Variants in PSEN1 observed in about 807,000 individuals in gnomAD.
PSEN1 encodes the protein presenilin 1.
In PSEN1, 15 loss-of-function variants were observed where a neutral mutation model predicts 53.5. The observed-to-expected ratio is 0.28, with a 90% CI of 0.19 to 0.43. The LOEUF (loss-of-function observed/expected upper bound fraction) is 0.43. Among genes scored for constraint, PSEN1 ranks in the 20% least tolerant of loss-of-function variants. The pLI is 1.00. For synonymous variants in PSEN1, 208 were observed against 209.8 expected, an observed-to-expected ratio of 0.99 and a Z score of 0.08; for missense variants, 387 against 571.2, an observed-to-expected ratio of 0.68 and a Z score of 3.29.
chr14:73,165,065 G>A (rs182225444), intron 3 of PSEN1, among the ~76,000 whole-genome samples: 2 of 151,698 alleles, frequency 1.3e-5, no homozygotes, highest in Non-Finnish European at 1.5e-5. Flanking sequence ...CAAACGATTC[G>A]CCTGCCTCAG....
intron 1 of PSEN1, among the ~76,000 whole-genome samples, chr14:73,144,596 T>C (rs1299839918): frequency 6.6e-6 from 1 of 152,192 alleles, no homozygotes; most frequent in Non-Finnish European, 1.5e-5. Context: ...AACTCCTCAC[T>C]TGCCAGATGT....
intron 3 of PSEN1, among the ~76,000 whole-genome samples, chr14:73,156,808 G>A (rs1422879248): frequency 2.0e-5 from 3 of 151,372 alleles, no homozygotes; most frequent in African/African-American, 4.9e-5. Context: ...GACTACAGGC[G>A]TCCGCCACCA....
chr14:73,185,432 C>T (rs1006553491), intron 5 of PSEN1, among the ~76,000 whole-genome samples: 197 of 152,338 alleles, frequency 1.3e-3, no homozygotes, highest in Admixed American at 5.2e-3. Context: ...AGCGAAACCC[C>T]GTCTCCACCA....
intron 5 of PSEN1, among the ~76,000 whole-genome samples, chr14:73,179,596 T>TAC (rs1221646964): frequency 6.6e-6 from 1 of 152,072 alleles, no homozygotes; most frequent in Non-Finnish European, 1.5e-5. Context: ...CAGCCTGAGC[T>TAC]ACAGTGCGAG....
At chr14:73,149,478 A>T (rs1404431371) in intron 3 of PSEN1, among the ~76,000 whole-genome samples, 1 of 152,178 alleles carries the variant, frequency 6.6e-6, no homozygotes, top group African/African-American at 2.4e-5. Flanking sequence ...GAACTAGAGC[A>T]CTGAATGGCG....
intron 5 of PSEN1, among the ~76,000 whole-genome samples, chr14:73,185,248 G>A (rs1898455686): frequency 6.6e-6 from 1 of 152,210 alleles, no homozygotes; most frequent in Non-Finnish European, 1.5e-5. Flanking sequence ...GGGAGGCCAA[G>A]GCAGGCGGCT....
At chr14:73,147,624 A>G in intron 1 of PSEN1, 171 bp from the exon 2 acceptor site, 2 of 255,852 alleles carry the variant, frequency 7.8e-6, no homozygotes, top group South Asian at 9.2e-5. Context: ...GGTTCTACTT[A>G]TTGCTAAAGA....
chr14:73,213,691 A>C (rs1899794680), intron 10 of PSEN1, among the ~76,000 whole-genome samples: 2 of 152,240 alleles, frequency 1.3e-5, no homozygotes, highest in African/African-American at 4.8e-5. Flanking sequence ...AAAACTGATC[A>C]AAGGATCTGA....
chr14:73,211,140 C>A (rs1899660522), intron 9 of PSEN1, among the ~76,000 whole-genome samples: 1 of 152,140 alleles, frequency 6.6e-6, no homozygotes, highest in African/African-American at 2.4e-5. Flanking sequence ...GAAATTTATT[C>A]TTTCACGTGA....
At chr14:73,208,836 C>T (rs1399631851) in intron 9 of PSEN1, 1 of 454,944 alleles carries the variant, frequency 2.2e-6, no homozygotes, top group South Asian at 1.6e-5. Flanking sequence ...GCCTGTCTGC[C>T]TCCTGCTGCC....
chr14:73,153,524 A>G (rs1212870459), intron 3 of PSEN1, among the ~76,000 whole-genome samples: 6 of 152,176 alleles, frequency 3.9e-5, no homozygotes, highest in African/African-American at 1.4e-4. Flanking sequence ...CATGTTCCCT[A>G]TGATTAATAA....
chr14:73,166,369 T>C (rs1361673554), intron 3 of PSEN1, among the ~76,000 whole-genome samples: 3 of 152,230 alleles, frequency 2.0e-5, no homozygotes, highest in Non-Finnish European at 2.9e-5. Context: ...TTTAGTTTGA[T>C]TCCTACCTCT....
chr14:73,202,294 G>GT (rs1899222341), intron 8 of PSEN1, among the ~76,000 whole-genome samples: 1 of 149,882 alleles, frequency 6.7e-6, no homozygotes, highest in South Asian at 2.1e-4. Context: ...CGTGGCAAAA[G>GT]TGTGAGTACA....
chr14:73,206,603 GC>G, intron 9 of PSEN1, 131 bp downstream of exon 9: 1 of 708,004 alleles, frequency 1.4e-6, no homozygotes, highest in Non-Finnish European at 2.5e-6. Flanking sequence ...CTATGATAAT[GC>G]CCAGTAAATA....
intron 7 of PSEN1, among the ~76,000 whole-genome samples, chr14:73,196,453 A>C (rs1898945924): frequency 6.8e-6 from 1 of 147,872 alleles, no homozygotes; most frequent in African/African-American, 2.5e-5. Flanking sequence ...ATGAAGAGAC[A>C]TGACCACTTT....
chr14:73,157,858 C>T (rs1897407526), intron 3 of PSEN1, among the ~76,000 whole-genome samples: 1 of 151,918 alleles, frequency 6.6e-6, no homozygotes, highest in African/African-American at 2.4e-5. Context: ...TGGTGGCGTG[C>T]ACCTGTAATC....
chr14:73,157,855 G>A (rs967949499), intron 3 of PSEN1, among the ~76,000 whole-genome samples: 5 of 151,926 alleles, frequency 3.3e-5, no homozygotes, highest in African/African-American at 7.2e-5. Flanking sequence ...GGGTGGTGGC[G>A]TGCACCTGTA....
intron 3 of PSEN1, chr14:73,160,025 T>C (rs765167125): frequency 1.2e-5 from 3 of 244,282 alleles, no homozygotes; most frequent in South Asian, 1.1e-4. Context: ...GTTCTCGCCA[T>C]ATTGGCCAGG....
intron 1 of PSEN1, among the ~76,000 whole-genome samples, chr14:73,139,794 A>G (rs1896866284): frequency 6.6e-6 from 1 of 152,202 alleles, no homozygotes; most frequent in African/African-American, 2.4e-5. Context: ...GTGCTTATAT[A>G]GAAGAAACCC....
Sources: gnomAD v4.1 joint callset for allele counts (sites outside exome capture counted in the v4.1 genomes callset) on GRCh38, gnomAD v4.1.1 for gene constraint, MANE v1.5 for transcripts, NCBI Gene and HGNC (gene_info 2026-07-23, HGNC 2026-07-21) for gene names.